ANKS1B: variants seen among roughly 807,000 people sequenced by gnomAD.
ANKS1B encodes ankyrin repeat and sterile alpha motif domain containing 1B, also known as ankyrin repeat and sterile alpha motif domain-containing protein 1B.
Under a neutral mutation model 148.3 loss-of-function variants are expected in ANKS1B, and 36 were observed. The observed-to-expected ratio is 0.24, with a 90% CI of 0.19 to 0.32. ANKS1B has a LOEUF of 0.32. Among genes scored for constraint, ANKS1B ranks in the 10% least tolerant of loss-of-function variants. The pLI is 1.00. For missense variants in ANKS1B, 1,157 were observed against 1,542.6 expected (o/e 0.75, Z 4.19); for synonymous variants, 542 against 560.8 (o/e 0.97, Z 0.47).
chr12:99,852,961 C>T (rs977583935), intron 1 of ANKS1B, among the ~76,000 whole-genome samples: 5 of 152,140 alleles, frequency 3.3e-5, no homozygotes, highest in Non-Finnish European at 7.4e-5. Context: ...CTCCACTTCC[C>T]TGGCAACCTG....
At chr12:99,713,362 C>A (rs964683310) in intron 8 of ANKS1B, among the ~76,000 whole-genome samples, 21 of 152,208 alleles carry the variant, frequency 1.4e-4, no homozygotes. Flanking sequence ...TTTTTGAAAG[C>A]TGAATAGACT....
intron 8 of ANKS1B, among the ~76,000 whole-genome samples, chr12:99,767,345 A>G (rs139623904): frequency 2.5e-4 from 38 of 152,130 alleles, no homozygotes; most frequent in Admixed American, 9.2e-4. Flanking sequence ...TCATCCCTTA[A>G]GCTTCTTATT....
intron 21 of ANKS1B, among the ~76,000 whole-genome samples, chr12:98,799,502 T>C (rs997570263): frequency 8.9e-6 from 1 of 112,070 alleles, no homozygotes; most frequent in South Asian, 3.1e-4. Flanking sequence ...GTGTGCCCTA[T>C]GGTTGATCCA....
intron 15 of ANKS1B, among the ~76,000 whole-genome samples, chr12:99,152,937 C>T (rs188512527): frequency 1.3e-5 from 2 of 152,192 alleles, no homozygotes; most frequent in African/African-American, 4.8e-5. Flanking sequence ...AGAACTTTCA[C>T]TTTTTTCCAT....
chr12:98,812,857 AT>A (rs1225461830), intron 19 of ANKS1B, among the ~76,000 whole-genome samples: 2 of 152,112 alleles, frequency 1.3e-5, no homozygotes, highest in African/African-American at 2.4e-5. Context: ...GATGAAAATT[AT>A]TTTTTTAAAA....
intron 10 of ANKS1B, among the ~76,000 whole-genome samples, chr12:99,445,519 A>T (rs1371435735): frequency 6.6e-6 from 1 of 151,994 alleles, no homozygotes; most frequent in Non-Finnish European, 1.5e-5. Context: ...GGTGATAATG[A>T]TGTGTCCATG....
chr12:99,709,927 C>T (rs2056395338), intron 8 of ANKS1B, among the ~76,000 whole-genome samples: 1 of 152,154 alleles, frequency 6.6e-6, no homozygotes, highest in South Asian at 2.1e-4. Flanking sequence ...TTCATGGTAT[C>T]ACTTCTCCCC....
chr12:98,913,913 A>C (rs959958725), intron 17 of ANKS1B, among the ~76,000 whole-genome samples: 27 of 152,146 alleles, frequency 1.8e-4, no homozygotes, highest in African/African-American at 6.3e-4. Context: ...TTTCTACCCC[A>C]AACCTGCTCT....
At chr12:98,920,045 A>T (rs2099799395) in intron 17 of ANKS1B, among the ~76,000 whole-genome samples, 1 of 152,210 alleles carries the variant, frequency 6.6e-6, no homozygotes, top group African/African-American at 2.4e-5. Flanking sequence ...AACAACAGAC[A>T]TTTGTTTTCT....
intron 17 of ANKS1B, among the ~76,000 whole-genome samples, chr12:98,855,331 T>C (rs1172041139): frequency 6.6e-6 from 1 of 152,214 alleles, no homozygotes; most frequent in Non-Finnish European, 1.5e-5. Context: ...GCAGTGGCCA[T>C]ATTTAGAGGG....
rs763682581 is a variant in ANKS1B, at chr12:99,981,868, C to T, written c.134+2236G>A. On this transcript the variant is annotated intron_variant, in intron 1 of 26. Coordinates refer to ENST00000683438, the MANE Select transcript of ANKS1B (RefSeq NM_001352186.2). ...ACATATTCTACAGTTCCTTCTAAAACATTAAGAAATTTCAAAGTGTCATTA... is the reference window on the plus strand; with the variant it reads ...ACATATTCTACAGTTCCTTCTAAAATATTAAGAAATTTCAAAGTGTCATTA... Among the ~76,000 whole-genome samples, 6 of 152,180 alleles carry T rather than the reference C, an allele frequency of 3.9e-5. 1 individual carries two copies. The East Asian group carries it at 9.6e-4, about 24-fold the overall frequency.
intron 12 of ANKS1B, among the ~76,000 whole-genome samples, chr12:99,285,650 C>G (rs747908498): frequency 2.0e-5 from 3 of 152,112 alleles, no homozygotes; most frequent in African/African-American, 7.2e-5. Context: ...TAACATCATA[C>G]CAATGAAAGA....
chr12:99,238,531 T>C (rs2088530203), intron 14 of ANKS1B, among the ~76,000 whole-genome samples: 1 of 152,176 alleles, frequency 6.6e-6, no homozygotes, highest in South Asian at 2.1e-4. Flanking sequence ...AATGTCCCTG[T>C]CTGACAGCTC....
chr12:99,697,981 G>T (rs1044103042), intron 8 of ANKS1B, among the ~76,000 whole-genome samples: 1 of 151,988 alleles, frequency 6.6e-6, no homozygotes, highest in Non-Finnish European at 1.5e-5. Context: ...AAACGGGGCA[G>T]AAAACATAGG....
intron 10 of ANKS1B, among the ~76,000 whole-genome samples, chr12:99,449,880 A>C (rs1292512285): frequency 6.6e-6 from 1 of 151,160 alleles, no homozygotes; most frequent in African/African-American, 2.4e-5. Context: ...AATAGGACCA[A>C]CAGGATCTAT....
At chr12:99,429,330 G>A (rs1057249316) in intron 11 of ANKS1B, among the ~76,000 whole-genome samples, 1 of 152,132 alleles carries the variant, frequency 6.6e-6, no homozygotes, top group Non-Finnish European at 1.5e-5. Flanking sequence ...GGGTTTTTCT[G>A]ACAAAGATAC....
chr12:99,238,770 A>T (rs2088587772), intron 14 of ANKS1B, among the ~76,000 whole-genome samples: 1 of 152,148 alleles, frequency 6.6e-6, no homozygotes, highest in East Asian at 1.9e-4. Context: ...ACCCAGGCAA[A>T]CAGGGTCTGG....
chr12:99,980,092 A>G (rs977146840), intron 1 of ANKS1B, among the ~76,000 whole-genome samples: 2 of 151,878 alleles, frequency 1.3e-5, no homozygotes, highest in Admixed American at 6.6e-5. Context: ...AGGAACAGGA[A>G]TAATTTAAGC....
chr12:99,783,816 T>C (rs1425865050), intron 4 of ANKS1B, among the ~76,000 whole-genome samples: 1 of 152,110 alleles, frequency 6.6e-6, no homozygotes, highest in Non-Finnish European at 1.5e-5. Flanking sequence ...TATTCTTTAG[T>C]AGGGTGATGA....
Sources: allele counts gnomAD v4.1 joint callset (sites outside exome capture counted in the v4.1 genomes callset), GRCh38; gene constraint gnomAD v4.1.1; transcripts MANE v1.5; gene names NCBI Gene and HGNC (gene_info 2026-07-23, HGNC 2026-07-21).